ZSCAN25: variants seen among roughly 807,000 people sequenced by gnomAD.
ZSCAN25 encodes the protein zinc finger and SCAN domain-containing protein 25.
A neutral mutation model predicts 38.7 loss-of-function variants in ZSCAN25; 27 were observed. That is an observed-to-expected ratio of 0.70 (90% CI 0.51 to 0.96). ZSCAN25 has a LOEUF of 0.96. ZSCAN25 is among the 40% of genes least tolerant of loss of function. The pLI, the probability that ZSCAN25 is intolerant of heterozygous loss-of-function variation, is 0.00. For synonymous variants in ZSCAN25, 273 were observed against 277.7 expected (o/e 0.98, Z 0.17); for missense variants, 637 against 705.9 (o/e 0.90, Z 1.11).
the ZSCAN25 span, among the ~76,000 whole-genome samples, chr7:99,687,632 C>G: frequency 6.6e-6 from 1 of 152,128 alleles, no homozygotes. Flanking sequence ...CCCAATCTAG[C>G]AAGGCAGGCC....
chr7:99,635,862 A>G (rs1217654110), downstream of ZSCAN25, among the ~76,000 whole-genome samples: 3 of 152,010 alleles, frequency 2.0e-5, no homozygotes, highest in African/African-American at 7.3e-5. Context: ...CCTGGATAAC[A>G]TGGTGAAACC....
At chr7:99,717,809 A>G in the ZSCAN25 span, among the ~76,000 whole-genome samples, 3 of 152,190 alleles carry the variant, frequency 2.0e-5, no homozygotes, top group African/African-American at 7.2e-5. Context: ...ATGCCCAGCC[A>G]CCTGATGTGG....
chr7:99,627,223 A>G (rs530056122), intron 7 of ZSCAN25, among the ~76,000 whole-genome samples: 40 of 152,346 alleles, frequency 2.6e-4, no homozygotes, highest in African/African-American at 9.4e-4. Context: ...GACATTCCCA[A>G]CATAGCCCAG....
At chr7:99,696,330 G>A in the ZSCAN25 span, among the ~76,000 whole-genome samples, 95 of 151,880 alleles carry the variant, frequency 6.3e-4, no homozygotes, top group African/African-American at 2.2e-3. Context: ...TGGTGACCAT[G>A]TCTTTAGAAT....
At chr7:99,674,741 A>G in the ZSCAN25 span, among the ~76,000 whole-genome samples, 19 of 152,230 alleles carry the variant, frequency 1.2e-4, no homozygotes, top group African/African-American at 3.9e-4. Flanking sequence ...TAAGGGAAAG[A>G]CAAGAAAACA....
the ZSCAN25 span, chr7:99,674,569 T>C: frequency 6.2e-7 from 1 of 1,613,756 alleles, no homozygotes; most frequent in Non-Finnish European, 8.5e-7. Flanking sequence ...GCACTCTGTG[T>C]CAAATTTCCA....
chr7:99,635,905 G>T (rs1258690178), downstream of ZSCAN25, among the ~76,000 whole-genome samples: 1 of 151,966 alleles, frequency 6.6e-6, no homozygotes, highest in African/African-American at 2.4e-5. Context: ...AAATTAGCCG[G>T]GCGTGGTGGC....
At position 99,630,138 on chromosome 7, in the gene ZSCAN25, C is replaced by T. The variant is rs908084467; in HGVS notation, c.*118C>T. 26 of 1,424,772 alleles carry T rather than the reference C, an allele frequency of 1.8e-5. No homozygotes were observed. Among genetic ancestry groups the T allele is most frequent in the Middle Eastern group, 2.6e-4 (1 of 3,870 alleles). 88.3% of individuals were successfully genotyped at this position (1,424,772 alleles called of 1,614,324 possible). A position where few individuals can be genotyped will look rare whatever the true frequency, so the allele number is the denominator to read the frequency against. On this transcript the variant is annotated 3_prime_UTR_variant, in exon 8 of 8. Transcript: ENST00000394152. ...CATCGCCTTCCCACCCATTCGCCAACGCGGGAAAGGCAAGGCCTGGCTTAC... is the reference window on the plus strand; with the variant it reads ...CATCGCCTTCCCACCCATTCGCCAATGCGGGAAAGGCAAGGCCTGGCTTAC...
chr7:99,703,329 C>T, the ZSCAN25 span, among the ~76,000 whole-genome samples: 1 of 152,184 alleles, frequency 6.6e-6, no homozygotes, highest in Non-Finnish European at 1.5e-5. Context: ...TGGAATCAGG[C>T]ATTTCTCTAA....
At chr7:99,731,192 C>T in the ZSCAN25 span, 1 of 1,611,558 alleles carries the variant, frequency 6.2e-7, no homozygotes, top group Non-Finnish European at 8.5e-7. Flanking sequence ...GGGATTGTGA[C>T]TTTATAGATA....
At chr7:99,710,971 G>A in the ZSCAN25 span, 4 of 1,606,688 alleles carry the variant, frequency 2.5e-6, no homozygotes, top group East Asian at 4.5e-5. Flanking sequence ...AAATCTAAGT[G>A]GAACCTTCAA....
chr7:99,727,311 C>T, the ZSCAN25 span, among the ~76,000 whole-genome samples: 1 of 152,228 alleles, frequency 6.6e-6, no homozygotes, highest in Non-Finnish European at 1.5e-5. Flanking sequence ...CACCCTAATA[C>T]TTTTAGAAGC....
chr7:99,650,306 T>C, the ZSCAN25 span: 16 of 1,434,910 alleles, frequency 1.1e-5, no homozygotes, highest in Non-Finnish European at 1.6e-5. Context: ...GGGTTCTTAC[T>C]TAAGAACAAC....
downstream of ZSCAN25, among the ~76,000 whole-genome samples, chr7:99,632,989 G>GTTGTTGTTTTTTTTTTTTTTTTTTTTTTT (rs1554412109): frequency 4.7e-5 from 6 of 128,558 alleles, no homozygotes; most frequent in Middle Eastern, 3.7e-3. Flanking sequence ...ATTTTCTGTT[G>GTTGTTGTTTTTTTTTTTTTTTTTTTTTTT]TTTTTTTTTT....
chr7:99,619,450 T>A, intron 3 of ZSCAN25, 111 bp from the exon 4 acceptor site: 1 of 890,382 alleles, frequency 1.1e-6, no homozygotes, highest in Non-Finnish European at 1.7e-6. Context: ...TGTTCAGTCT[T>A]TTGAAAATGC....
At chr7:99,663,175 T>C in the ZSCAN25 span, 1 of 1,139,736 alleles carries the variant, frequency 8.8e-7, no homozygotes, top group South Asian at 2.4e-5. Flanking sequence ...GCCAAAGAGT[T>C]GCCGGTTCCA....
the ZSCAN25 span, among the ~76,000 whole-genome samples, chr7:99,733,853 G>A: frequency 6.6e-6 from 1 of 152,278 alleles, no homozygotes; most frequent in South Asian, 2.1e-4. Context: ...TGCTAAGCAG[G>A]TGTATTTGAA....
chr7:99,681,685 C>T, the ZSCAN25 span, among the ~76,000 whole-genome samples: 5 of 152,158 alleles, frequency 3.3e-5, no homozygotes, highest in East Asian at 1.9e-4. Context: ...GTTGTTTGAG[C>T]GCTTCATGTA....
At chr7:99,704,964 A>G in the ZSCAN25 span, 8 of 154,640 alleles carry the variant, frequency 5.2e-5, no homozygotes, top group African/African-American at 1.9e-4. Context: ...ACAATGATCA[A>G]AATATTTAGT....
Sources: allele counts gnomAD v4.1 joint callset (sites outside exome capture counted in the v4.1 genomes callset), GRCh38; gene constraint gnomAD v4.1.1; transcripts MANE v1.5; gene names NCBI Gene and HGNC (gene_info 2026-07-23, HGNC 2026-07-21).